Variants in TSEN2 observed in about 807,000 individuals in gnomAD.
The protein encoded by TSEN2 is tRNA-splicing endonuclease subunit Sen2.
A neutral mutation model predicts 59.2 loss-of-function variants in TSEN2; 54 were observed. That is an observed-to-expected ratio of 0.91 (90% CI 0.73 to 1.14). The LOEUF (loss-of-function observed/expected upper bound fraction) is 1.14. Among genes scored for constraint, TSEN2 ranks in the 50% most tolerant of loss-of-function variants. TSEN2 has a pLI of 0.00. For missense variants in TSEN2, 636 were observed against 576.2 expected (o/e 1.10, Z -1.06); for synonymous variants, 195 against 198.2 (o/e 0.98, Z 0.14).
rs1289541015 is a variant in TSEN2 at position 12,533,199 on chromosome 3, T to C, written c.*478T>C. ...CACAACAGTATTGTACAATATTCGATAAGCATATCTTCACTGCACTTGTTA... is the reference window on the plus strand; with the variant it reads ...CACAACAGTATTGTACAATATTCGACAAGCATATCTTCACTGCACTTGTTA... On this transcript the variant is annotated 3_prime_UTR_variant, in exon 12 of 12. Coordinates refer to ENST00000284995, the MANE Select transcript of TSEN2 (RefSeq NM_025265.4). 1.8e-5 allele frequency: 3 copies of C among 170,376 alleles called. No homozygotes were observed. The highest frequency in any genetic ancestry group is 4.8e-5 in the African/African-American group (2 of 41,836). 10.6% of individuals were successfully genotyped at this position (170,376 alleles called of 1,614,324 possible).
chr3:12,516,294 C>T (rs951465299), intron 6 of TSEN2, among the ~76,000 whole-genome samples: 10 of 151,972 alleles, frequency 6.6e-5, no homozygotes, highest in African/African-American at 2.2e-4. Context: ...GGCGTGGCGG[C>T]GGGCGCCTGT....
intron 11 of TSEN2, among the ~76,000 whole-genome samples, chr3:12,532,443 A>G (rs1357419173): frequency 6.6e-6 from 1 of 152,204 alleles, no homozygotes; most frequent in Non-Finnish European, 1.5e-5. Context: ...AGGCAAGCTT[A>G]GCTGTTAAAA....
In TSEN2 at chr3:12,519,145, T is replaced by C; in HGVS notation, c.1047T>C (p.Phe349=). Residue 349 remains phenylalanine (F), a synonymous_variant, in exon 8 of 12, where the codon TTT becomes TTC. Coordinates refer to ENST00000284995, the MANE Select transcript of TSEN2 (RefSeq NM_025265.4). ...FRTTYMAYHY[F]RSKGWVPKVG... ...CCACCTACATGGCCTACCATTACTTTCGAAGCAAGGGCTGGGTGCCCAAAG... is the reference window on the plus strand; with the variant it reads ...CCACCTACATGGCCTACCATTACTTCCGAAGCAAGGGCTGGGTGCCCAAAG... The C allele has an allele frequency of 6.2e-7, 1 of 1,614,250 alleles. No homozygotes were observed. The highest frequency in any genetic ancestry group is 8.5e-7 in the Non-Finnish European group (1 of 1,180,048).
chr3:12,532,170 T>C (rs1300583935), intron 11 of TSEN2, among the ~76,000 whole-genome samples: 2 of 152,194 alleles, frequency 1.3e-5, no homozygotes, highest in East Asian at 3.9e-4. Context: ...ATGTCTTTGT[T>C]GTCGTCCTGT....
chr3:12,501,378 ACT>A (rs1232419032), intron 4 of TSEN2, among the ~76,000 whole-genome samples: 1 of 152,136 alleles, frequency 6.6e-6, no homozygotes, highest in Non-Finnish European at 1.5e-5. Flanking sequence ...TGCCGTACTG[ACT>A]CTCAGGTATT....
At chr3:12,501,865 C>T (rs2054311033) in intron 4 of TSEN2, among the ~76,000 whole-genome samples, 1 of 152,222 alleles carries the variant, frequency 6.6e-6, no homozygotes, top group Non-Finnish European at 1.5e-5. Context: ...GATCAGATTT[C>T]CAACATCTGG....
chr3:12,501,996 T>A (rs2054322084), intron 4 of TSEN2, among the ~76,000 whole-genome samples: 1 of 152,198 alleles, frequency 6.6e-6, no homozygotes, highest in South Asian at 2.1e-4. Flanking sequence ...TAGCTTCAAG[T>A]TTTAGAAACT....
chr3:12,519,479 C>T (rs778219572), intron 8 of TSEN2, among the ~76,000 whole-genome samples: 2 of 152,210 alleles, frequency 1.3e-5, no homozygotes, highest in Non-Finnish European at 2.9e-5. Context: ...AGCGCCGTGG[C>T]TTACGCATGT....
intron 4 of TSEN2, among the ~76,000 whole-genome samples, chr3:12,496,985 C>T (rs1045333087): frequency 6.6e-6 from 1 of 152,156 alleles, no homozygotes; most frequent in Non-Finnish European, 1.5e-5. Context: ...ACGTTTCTCC[C>T]TGACTCCCCA....
At chr3:12,514,132 G>A (rs1343619741) in intron 6 of TSEN2, among the ~76,000 whole-genome samples, 1 of 152,252 alleles carries the variant, frequency 6.6e-6, no homozygotes, top group East Asian at 1.9e-4. Context: ...GTGCTCTGGA[G>A]ATGATCAGGA....
chr3:12,485,946 T>A (rs2052569907), intron 1 of TSEN2, among the ~76,000 whole-genome samples: 1 of 150,254 alleles, frequency 6.7e-6, no homozygotes, highest in South Asian at 2.1e-4. Flanking sequence ...AAAAGAAATT[T>A]AAAAATATAT....
In TSEN2 at chr3:12,489,645, A is replaced by G. The variant is rs73140730; in HGVS notation, c.-17-139A>G. 5.5e-4 allele frequency: 384 copies of G among 698,512 alleles called. No individual in the cohort carries two copies. In the African/African-American group the frequency reaches 6.1e-3, roughly 11 times the overall value. The allele number at this position is 698,512 out of a possible 1,614,324, so 43.3% of individuals were successfully genotyped here. ...CACACAAACTGTTCTTACTGCTTTT[A>G]GTTTATTGCTTTATAAATACTCTAT... On this transcript the variant is annotated intron_variant, in intron 1 of 11. Coordinates refer to ENST00000284995, the MANE Select transcript of TSEN2 (RefSeq NM_025265.4).
intron 6 of TSEN2, among the ~76,000 whole-genome samples, chr3:12,513,239 AC>A (rs1053519370): frequency 6.6e-5 from 10 of 152,230 alleles, no homozygotes; most frequent in African/African-American, 1.7e-4. Flanking sequence ...TGAAGAACTT[AC>A]ATTTTAGCAG....
chr3:12,532,665 G>T lies in TSEN2; in HGVS notation c.1342G>T (p.Val448Leu), dbSNP rs1443477124. 2 of 1,613,998 alleles carry T rather than the reference G, an allele frequency of 1.2e-6. No individual in the cohort carries two copies. The highest frequency in any genetic ancestry group is 1.7e-6 in the Non-Finnish European group (2 of 1,179,996). The change falls in exon 12 of 12, where the codon GTG becomes TTG. Residue 448 changes from valine (V) to leucine (L), a missense_variant. By Grantham distance (32) the Val-to-Leu change is conservative. Coordinates refer to ENST00000284995, the MANE Select transcript of TSEN2 (RefSeq NM_025265.4). Reference sequence around the variant, plus strand: ...TCTTTTTTTTTATTGGTTGTAGGAGGTGATTCTGAGTCGATGGGTTTCTTC... The same window carrying T: ...TCTTTTTTTTTATTGGTTGTAGGAGTTGATTCTGAGTCGATGGGTTTCTTC... ...ECMKRIKVQE[V>L]ILSRWVSSRE... is the part of the protein sequence containing the mutation.
chr3:12,493,917 G>A (rs2053486734), intron 3 of TSEN2, among the ~76,000 whole-genome samples: 1 of 152,176 alleles, frequency 6.6e-6, no homozygotes, highest in Admixed American at 6.5e-5. Flanking sequence ...AAATCATGCA[G>A]ATTTCCCTGG....
At chr3:12,532,032 G>A (rs753437059) in intron 11 of TSEN2, among the ~76,000 whole-genome samples, 2 of 152,086 alleles carry the variant, frequency 1.3e-5, no homozygotes, top group Admixed American at 6.6e-5. Flanking sequence ...GAACCAAGGC[G>A]CCTCCTGTCA....
At chr3:12,492,108 C>T (rs184128064) in intron 2 of TSEN2, 28 bp from the exon 3 acceptor site, 4 of 1,597,218 alleles carry the variant, frequency 2.5e-6, no homozygotes, top group Non-Finnish European at 2.6e-6. Context: ...TAAGCATGAA[C>T]TAACTTCATT....
intron 8 of TSEN2, among the ~76,000 whole-genome samples, chr3:12,519,989 A>G (rs1488985006): frequency 6.6e-6 from 1 of 151,800 alleles, no homozygotes; most frequent in Non-Finnish European, 1.5e-5. Context: ...TATGCAGTGG[A>G]GACGCTTACT....
chr3:12,490,984 TG>T (rs1481932406), intron 2 of TSEN2, among the ~76,000 whole-genome samples: 1 of 107,542 alleles, frequency 9.3e-6, no homozygotes, highest in Non-Finnish European at 1.9e-5. Flanking sequence ...TTGTTGTTGC[TG>T]GGTGTTTTTT....
Sources: gnomAD v4.1 joint callset for allele counts (sites outside exome capture counted in the v4.1 genomes callset) on GRCh38, gnomAD v4.1.1 for gene constraint, MANE v1.5 for transcripts, NCBI Gene and HGNC (gene_info 2026-07-23, HGNC 2026-07-21) for gene names.